The following NR2C2 variants were observed in gnomAD, a reference collection of about 807,000 sequenced individuals.
NR2C2 encodes nuclear receptor subfamily 2 group C member 2, also known as Nuclear hormone receptor TR4.
A neutral mutation model predicts 62.9 loss-of-function variants in NR2C2; 6 were observed. The ratio of observed to expected loss-of-function variants is 0.10; its 90% CI spans 0.05 to 0.19. The LOEUF (loss-of-function observed/expected upper bound fraction) is 0.19, where lower values mean the gene tolerates loss of function less well. Among genes scored for constraint, NR2C2 ranks in the 10% least tolerant of loss-of-function variants. The probability of loss-of-function intolerance (pLI) is 1.00; values close to 1 mark genes in which losing one functional copy is unlikely to be tolerated. For missense variants in NR2C2, 479 were observed against 762.7 expected (o/e 0.63, Z 4.38); for synonymous variants, 272 against 273.8 (o/e 0.99, Z 0.07).
chr3:15,049,218 G>T lies in NR2C2; in HGVS notation c.*6210G>T, dbSNP rs926217361. On this transcript the variant is annotated 3_prime_UTR_variant, in exon 14 of 14. Transcript: ENST00000425241. The stretch of plus-strand genomic sequence containing the variant: ...GTTTCAATGTGGCATTATTGTTGTG[G>T]CTTAATACTACTACCTAAATGAGGT... 1 of 152,616 alleles carries T rather than the reference G, an allele frequency of 6.6e-6. No homozygotes were observed. Among genetic ancestry groups the T allele is most frequent in the Non-Finnish European group, 1.5e-5 (1 of 68,040 alleles). 9.5% of individuals were successfully genotyped at this position (152,616 alleles called of 1,614,324 possible).
At chr3:14,980,562 AAAG>A (rs1375934425) in intron 1 of NR2C2, among the ~76,000 whole-genome samples, 3 of 122,052 alleles carry the variant, frequency 2.5e-5, no homozygotes, top group African/African-American at 7.7e-5. Flanking sequence ...TAAAAATAAG[AAAG>A]CCACATGGAA....
chr3:14,951,499 T>A (rs1025088265), intron 1 of NR2C2, among the ~76,000 whole-genome samples: 1 of 152,280 alleles, frequency 6.6e-6, no homozygotes, highest in African/African-American at 2.4e-5. Context: ...ATTTTTGGGT[T>A]TTTTTTTCTG....
chr3:15,017,678 G>A (rs1055011269), intron 4 of NR2C2, among the ~76,000 whole-genome samples: 1 of 152,076 alleles, frequency 6.6e-6, no homozygotes, highest in Non-Finnish European at 1.5e-5. Flanking sequence ...GAGAACTCAA[G>A]GAAATATACT....
At chr3:14,998,197 T>C (rs1295017588) in intron 1 of NR2C2, among the ~76,000 whole-genome samples, 1 of 152,232 alleles carries the variant, frequency 6.6e-6, no homozygotes, top group Non-Finnish European at 1.5e-5. Flanking sequence ...TGTTTCTACT[T>C]TTTGCCTGTT....
chr3:14,951,050 G>C (rs2039342176), intron 1 of NR2C2, among the ~76,000 whole-genome samples: 1 of 152,166 alleles, frequency 6.6e-6, no homozygotes, highest in Non-Finnish European at 1.5e-5. Flanking sequence ...GTGCATGAAA[G>C]TTAATAAGTT....
intron 1 of NR2C2, among the ~76,000 whole-genome samples, chr3:14,963,020 T>C (rs1396963610): frequency 6.6e-6 from 1 of 152,168 alleles, no homozygotes; most frequent in African/African-American, 2.4e-5. Context: ...GTGAGGGATT[T>C]GATCCTGGAG....
chr3:15,019,106 A>T (rs1203919050), intron 4 of NR2C2, among the ~76,000 whole-genome samples: 1 of 151,316 alleles, frequency 6.6e-6, no homozygotes, highest in Non-Finnish European at 1.5e-5. Context: ...CACACCTATA[A>T]TTCCAGCTAC....
intron 1 of NR2C2, among the ~76,000 whole-genome samples, chr3:14,981,249 C>T (rs1291225326): frequency 6.6e-6 from 1 of 152,082 alleles, no homozygotes; most frequent in Non-Finnish European, 1.5e-5. Context: ...GACGGATATC[C>T]TGAGCCCAGA....
At chr3:15,018,258 A>G (rs1004331577) in intron 4 of NR2C2, among the ~76,000 whole-genome samples, 3 of 152,134 alleles carry the variant, frequency 2.0e-5, no homozygotes, top group Admixed American at 2.0e-4. Context: ...TGGCCTCCCA[A>G]AGTGCTGGGA....
intron 1 of NR2C2, among the ~76,000 whole-genome samples, chr3:14,958,017 G>A (rs1050743099): frequency 2.0e-5 from 3 of 152,102 alleles, no homozygotes; most frequent in African/African-American, 4.8e-5. Flanking sequence ...TCATCCATCT[G>A]TCTTTCCTTG....
intron 3 of NR2C2, among the ~76,000 whole-genome samples, chr3:15,014,932 G>A (rs1040291920): frequency 6.6e-6 from 1 of 152,138 alleles, no homozygotes. Context: ...TGTTTTGGGT[G>A]GGGAGGTTCT....
At chr3:14,959,984 TA>T (rs2039646409) in intron 1 of NR2C2, among the ~76,000 whole-genome samples, 1 of 152,178 alleles carries the variant, frequency 6.6e-6, no homozygotes, top group Non-Finnish European at 1.5e-5. Context: ...TAGAAAATGG[TA>T]AATGGATTAT....
intron 7 of NR2C2, among the ~76,000 whole-genome samples, chr3:15,027,610 G>A (rs945688908): frequency 4.6e-5 from 7 of 152,036 alleles, no homozygotes; most frequent in African/African-American, 1.7e-4. Flanking sequence ...GTTTCATTTT[G>A]TTATTGAGAC....
At chr3:15,026,447 T>C (rs1175760890) in intron 7 of NR2C2, 1 of 152,222 alleles carries the variant, frequency 6.6e-6, no homozygotes, top group Admixed American at 6.5e-5. Context: ...TTAGAATATT[T>C]TCGTCACCTC....
intron 1 of NR2C2, among the ~76,000 whole-genome samples, chr3:14,966,966 A>G (rs1217452255): frequency 6.6e-6 from 1 of 152,220 alleles, no homozygotes; most frequent in Non-Finnish European, 1.5e-5. Context: ...ATCTTGTAGA[A>G]TTAGCGGAGA....
chr3:15,008,204 GTTTT>G (rs921783002), intron 2 of NR2C2, among the ~76,000 whole-genome samples: 1 of 148,080 alleles, frequency 6.8e-6, no homozygotes, highest in Non-Finnish European at 1.5e-5. Flanking sequence ...TTAGCAAACA[GTTTT>G]TTTGTTTGTT....
intron 1 of NR2C2, among the ~76,000 whole-genome samples, chr3:14,985,789 G>T (rs1029166554): frequency 6.6e-6 from 1 of 152,104 alleles, no homozygotes; most frequent in Non-Finnish European, 1.5e-5. Context: ...GCACATTTAA[G>T]TTTTTTCCAG....
At chr3:15,026,768 C>G (rs913410392) in intron 7 of NR2C2, 1 of 152,172 alleles carries the variant, frequency 6.6e-6, no homozygotes. Flanking sequence ...GGTGCCACCT[C>G]GGCTCACTGC....
At chr3:14,949,721 A>G (rs903701878) in intron 1 of NR2C2, among the ~76,000 whole-genome samples, 1 of 152,238 alleles carries the variant, frequency 6.6e-6, no homozygotes, top group African/African-American at 2.4e-5. Context: ...GGGAATACAA[A>G]AAAGTAAGAC....
Sources: gnomAD v4.1 joint callset for allele counts (sites outside exome capture counted in the v4.1 genomes callset) on GRCh38, gnomAD v4.1.1 for gene constraint, MANE v1.5 for transcripts, NCBI Gene and HGNC (gene_info 2026-07-23, HGNC 2026-07-21) for gene names.